Variants in PROM1 observed in about 807,000 individuals in gnomAD.
PROM1 encodes the protein prominin-1.
Under a neutral mutation model 116.9 loss-of-function variants are expected in PROM1, and 105 were observed. That is an observed-to-expected ratio of 0.90 (90% CI 0.77 to 1.06). PROM1 has a LOEUF of 1.06. Ranked by LOEUF, PROM1 falls within the 50% of genes least tolerant of loss-of-function variation. PROM1 has a pLI of 0.00. For synonymous variants in PROM1, 393 were observed against 387.0 expected (o/e 1.02, Z -0.18); for missense variants, 1,122 against 1,045.2 (o/e 1.07, Z -1.01).
chr4:16,023,012 G>A (rs577260167), intron 8 of PROM1, among the ~76,000 whole-genome samples: 12 of 152,276 alleles, frequency 7.9e-5, no homozygotes, highest in Admixed American at 2.6e-4. Flanking sequence ...ATCATAGCAC[G>A]AAAACGGCCA....
At chr4:16,002,233 A>C (rs1724057073) in intron 13 of PROM1, among the ~76,000 whole-genome samples, 2 of 152,212 alleles carry the variant, frequency 1.3e-5, no homozygotes. Flanking sequence ...CAGAAAGAGA[A>C]GGAAGAAAAC....
intron 26 of PROM1, chr4:15,976,334 T>C (rs988995461): frequency 5.0e-6 from 2 of 403,378 alleles, no homozygotes; most frequent in Non-Finnish European, 9.9e-6. Context: ...ATCCAAGAGT[T>C]ATCAAGTCTT....
intron 20 of PROM1, among the ~76,000 whole-genome samples, chr4:15,986,739 A>G (rs1719516356): frequency 6.6e-6 from 1 of 152,256 alleles, no homozygotes; most frequent in Non-Finnish European, 1.5e-5. Context: ...AACTGTGATC[A>G]GAGGCATAGC....
intron 2 of PROM1, among the ~76,000 whole-genome samples, chr4:16,068,885 C>G (rs1234299380): frequency 6.6e-6 from 1 of 152,144 alleles, no homozygotes; most frequent in Non-Finnish European, 1.5e-5. Context: ...ACGAGCAAAT[C>G]AGAATCACCT....
chr4:16,022,940 G>T (rs1269309579), intron 8 of PROM1, among the ~76,000 whole-genome samples: 5 of 152,152 alleles, frequency 3.3e-5, no homozygotes, highest in Non-Finnish European at 7.3e-5. Context: ...AGGCCAGATA[G>T]ACGGTAAATA....
intron 23 of PROM1, among the ~76,000 whole-genome samples, chr4:15,981,516 G>A (rs1717945841): frequency 6.6e-6 from 1 of 151,124 alleles, no homozygotes; most frequent in Non-Finnish European, 1.5e-5. Context: ...AGGTTGCAGT[G>A]AACCGAGATT....
At chr4:15,999,057 T>G (rs115050536) in intron 14 of PROM1, among the ~76,000 whole-genome samples, 2,585 of 152,154 alleles carry the variant, frequency 0.017, 76 homozygotes, top group African/African-American at 0.059. Flanking sequence ...TTTATCTTAA[T>G]AAAACAAACA....
intron 19 of PROM1, 76 bp from the exon 20 acceptor site, chr4:15,987,792 C>T (rs1719840913): frequency 6.7e-6 from 8 of 1,194,070 alleles, no homozygotes; most frequent in Non-Finnish European, 9.8e-6. Flanking sequence ...CCTCCCTTCC[C>T]ACAAGATAGC....
At chr4:16,035,229 T>TA (rs1248197047) in intron 4 of PROM1, among the ~76,000 whole-genome samples, 2 of 152,220 alleles carry the variant, frequency 1.3e-5, no homozygotes, top group Admixed American at 1.3e-4. Flanking sequence ...TCCAAACTCT[T>TA]ACTTACGTAT....
At chr4:15,972,159 CA>C (rs1300389054) in intron 26 of PROM1, among the ~76,000 whole-genome samples, 10 of 152,126 alleles carry the variant, frequency 6.6e-5, no homozygotes, top group Non-Finnish European at 1.2e-4. Flanking sequence ...GCCTCTCCTC[CA>C]GACAGTATAT....
At position 16,033,324 on chromosome 4, in the gene PROM1, C is replaced by T. The variant is rs1458313426; in HGVS notation, c.489G>A (p.Leu163=). Reference sequence around the variant, plus strand: ...CTTGCCTTATTATTATACAAATCACCAACAGGGAGATTGCAAAGCATTTCC... The same window carrying T: ...CTTGCCTTATTATTATACAAATCACTAACAGGGAGATTGCAAAGCATTTCC... ...FLRKCFAISL[L]VICIIISIGI... Residue 163 remains leucine (L), a synonymous_variant, in exon 5 of 28, where the codon TTG becomes TTA. Coordinates refer to ENST00000447510, the MANE Select transcript of PROM1 (RefSeq NM_006017.3). 1.2e-6 allele frequency: 2 copies of T among 1,613,280 alleles called. No homozygotes were observed. Among genetic ancestry groups the T allele is most frequent in the East Asian group, 2.2e-5 (1 of 44,874 alleles).
At chr4:16,024,990 C>T (rs904568127) in intron 6 of PROM1, among the ~76,000 whole-genome samples, 6 of 152,118 alleles carry the variant, frequency 3.9e-5, no homozygotes, top group Non-Finnish European at 7.4e-5. Context: ...AATAAAAACA[C>T]CAATTCTGAA....
intron 2 of PROM1, among the ~76,000 whole-genome samples, chr4:16,052,279 C>G (rs1738064705): frequency 6.6e-6 from 1 of 152,190 alleles, no homozygotes; most frequent in Non-Finnish European, 1.5e-5. Context: ...ACTCACTGCA[C>G]TCCCACAGAA....
intron 2 of PROM1, among the ~76,000 whole-genome samples, chr4:16,052,663 T>C (rs1015948138): frequency 9.2e-5 from 14 of 152,186 alleles, no homozygotes; most frequent in African/African-American, 3.1e-4. Flanking sequence ...GTATTTTTTC[T>C]AGAAACGAGG....
intron 13 of PROM1, among the ~76,000 whole-genome samples, chr4:16,004,646 C>A (rs1266984664): frequency 6.6e-6 from 1 of 152,076 alleles, no homozygotes; most frequent in Non-Finnish European, 1.5e-5. Context: ...AAAGTAATGG[C>A]AAAAACTGCA....
chr4:16,031,151 T>C (rs1336602567), intron 5 of PROM1, among the ~76,000 whole-genome samples: 1 of 152,240 alleles, frequency 6.6e-6, no homozygotes. Context: ...CCTGAAATTA[T>C]ACTATATGTA....
chr4:16,045,558 A>G (rs1736350963), intron 2 of PROM1, among the ~76,000 whole-genome samples: 1 of 152,112 alleles, frequency 6.6e-6, no homozygotes, highest in Non-Finnish European at 1.5e-5. Context: ...AAGACCCCCA[A>G]CATTTTCTAG....
intron 2 of PROM1, among the ~76,000 whole-genome samples, chr4:16,051,418 C>T (rs995606424): frequency 7.9e-5 from 12 of 152,202 alleles, no homozygotes; most frequent in African/African-American, 2.7e-4. Flanking sequence ...TCACTAACAA[C>T]CTTTTGAGTG....
chr4:15,974,216 A>G (rs7669462), intron 26 of PROM1, among the ~76,000 whole-genome samples: 115,690 of 151,816 alleles, frequency 0.76, 44,793 homozygotes, highest in African/African-American at 0.92. Context: ...CAGGAAGAAG[A>G]TTCAGAAACA....
Sources: allele counts gnomAD v4.1 joint callset (sites outside exome capture counted in the v4.1 genomes callset), GRCh38; gene constraint gnomAD v4.1.1; transcripts MANE v1.5; gene names NCBI Gene and HGNC (gene_info 2026-07-23, HGNC 2026-07-21).